The following TPR variants were observed in gnomAD, a reference collection of about 807,000 sequenced individuals.
TPR encodes nucleoprotein TPR.
A neutral mutation model predicts 316.1 loss-of-function variants in TPR; 51 were observed. The observed-to-expected ratio is 0.16, with a 90% CI of 0.13 to 0.20. The LOEUF (loss-of-function observed/expected upper bound fraction) is 0.20. TPR is among the 10% of genes least tolerant of loss of function. The pLI is 1.00. For missense variants in TPR, 2,272 were observed against 2,754.8 expected, an observed-to-expected ratio of 0.82 and a Z score of 3.92; for synonymous variants, 981 against 914.7, an observed-to-expected ratio of 1.07 and a Z score of -1.31.
rs368440248 is a variant in TPR, at chr1:186,359,803, A to G, written c.1385T>C (p.Met462Thr). 6.3e-7 allele frequency: 1 copy of G among 1,581,128 alleles called. No homozygotes were observed. The highest frequency in any genetic ancestry group is 1.4e-5 in the African/African-American group (1 of 72,304). ...AATTTTAGGAATGGAACCAACCTTC[A>G]TAGCTTGTTCAAGCTTAACAGATAA... ...ASLSVKLEQA[M>T]KEIQRLQEDT... Residue 462 changes from methionine to threonine, a missense_variant, in exon 12 of 51, where the codon ATG (methionine) becomes ACG (threonine). By Grantham distance (81) the Met-to-Thr change is moderately conservative. This residue lies in a region of TPR where 549 missense variants were observed against 598.6 expected (regional missense o/e 0.92). Coordinates refer to ENST00000367478, the MANE Select transcript of TPR (RefSeq NM_003292.3).
Position 186,311,860 on chromosome 1 carries a change from C to T in TPR, c.*2111G>A. 3.5e-6 allele frequency: 2 copies of T among 564,774 alleles called. No homozygotes were observed. The highest frequency in any genetic ancestry group is 4.2e-5 in the South Asian group (2 of 47,480). 35.0% of individuals were successfully genotyped at this position (564,774 alleles called of 1,614,324 possible). A position where few individuals can be genotyped will look rare whatever the true frequency, so the allele number is the denominator to read the frequency against. On this transcript the variant is annotated 3_prime_UTR_variant, in exon 51 of 51. Transcript: ENST00000367478. ...TTCGCTTCACAAATGTGCATGTCAT[C>T]CTTGCACAAGGGCCATGCTAATCTC...
chr1:186,353,024 T>A (rs530545370), intron 18 of TPR, among the ~76,000 whole-genome samples: 2 of 152,190 alleles, frequency 1.3e-5, no homozygotes, highest in African/African-American at 4.8e-5. Context: ...AAATATAAAT[T>A]CAATGCAATG....
At chr1:186,369,603 T>C (rs909306842) in intron 3 of TPR, among the ~76,000 whole-genome samples, 55 of 152,304 alleles carry the variant, frequency 3.6e-4, no homozygotes, top group African/African-American at 1.3e-3. Flanking sequence ...TATCCTTCAA[T>C]TGTATAAATT....
At chr1:186,371,754 C>G (rs1659532154) in intron 2 of TPR, among the ~76,000 whole-genome samples, 1 of 151,964 alleles carries the variant, frequency 6.6e-6, no homozygotes, top group Non-Finnish European at 1.5e-5. Flanking sequence ...TAAAGAGGAC[C>G]ATTAAAGCAA....
In TPR at chr1:186,347,410, C is replaced by T. The variant is rs1159008097; in HGVS notation, c.2825G>A (p.Arg942Lys). Reference protein sequence around the residue: ...EDVDDLVSQLRQTEEQVNDLK... With the variant: ...EDVDDLVSQLKQTEEQVNDLK... ...GTCATTCACCTGCTCTTCTGTCTGT[C>T]TTAGCTGACTCACAAGATCATCCAC... Residue 942 changes from arginine to lysine, a missense_variant, in exon 22 of 51, where the codon AGA (arginine) becomes AAA (lysine). Arg to Lys is a conservative substitution (Grantham distance 26, BLOSUM62 2). Coordinates refer to ENST00000367478, the MANE Select transcript of TPR (RefSeq NM_003292.3). 4 of 1,613,854 alleles carry T rather than the reference C, an allele frequency of 2.5e-6. No individual in the cohort carries two copies. The highest frequency in any genetic ancestry group is 2.5e-6 in the Non-Finnish European group (3 of 1,179,970).
At chr1:186,323,942 T>C in intron 42 of TPR, 72 bp from the exon 43 acceptor site, 1 of 1,424,930 alleles carries the variant, frequency 7.0e-7, no homozygotes, top group African/African-American at 1.5e-5. Flanking sequence ...TCCCTAGAAG[T>C]ATAAATCTTG....
In TPR at chr1:186,374,982, T is replaced by C. The variant is rs375798126; in HGVS notation, c.47A>G (p.Lys16Arg). 5 of 1,614,028 alleles carry C rather than the reference T, an allele frequency of 3.1e-6. No individual in the cohort carries two copies. Among genetic ancestry groups the C allele is most frequent in the Non-Finnish European group, 4.2e-6 (5 of 1,180,018 alleles). ...QQVLERTELN[K>R]LPKSVQNKLE... ...TTTGTTCTGGACAGACTTGGGCAGCTTGTTCAGCTCCGTGCGCTCCAGGAC... is the reference window on the plus strand; with the variant it reads ...TTTGTTCTGGACAGACTTGGGCAGCCTGTTCAGCTCCGTGCGCTCCAGGAC... The change falls in exon 1 of 51, where the codon AAG becomes AGG. Residue 16 changes from lysine to arginine, a missense_variant. Physicochemically the swap from Lys to Arg is conservative, Grantham distance 26 (BLOSUM62 2). Around this residue, in one of 10 missense-constraint regions of TPR, gnomAD observed 549 missense variants for 598.6 expected, o/e 0.92. Transcript: ENST00000367478.
chr1:186,365,213 A>T (rs1044310128), intron 4 of TPR, among the ~76,000 whole-genome samples: 16 of 150,722 alleles, frequency 1.1e-4, no homozygotes, highest in Admixed American at 9.3e-4. Flanking sequence ...CTCATGACTC[A>T]GCCTCCTGAG....
At chr1:186,314,342 A>G in intron 50 of TPR, 1 of 385,636 alleles carries the variant, frequency 2.6e-6, no homozygotes, top group Non-Finnish European at 4.6e-6. Context: ...AGATACAACA[A>G]ATGAATATAA....
rs1658653544 is a variant in TPR, at chr1:186,345,644, G to C, written c.3149C>G (p.Ala1050Gly). ...TAAAGCTGTGCTTGCTCTCTGAAGA[G>C]CTTCTTGTACTTCATTCTGAACACT... is the stretch of plus-strand genomic sequence containing the variant. ...LSSVQNEVQE[A>G]LQRASTALSN... The change falls in exon 24 of 51, where the codon GCT becomes GGT. Residue 1050 changes from alanine to glycine, a missense_variant. Coordinates refer to ENST00000367478, the MANE Select transcript of TPR (RefSeq NM_003292.3). The C allele has an allele frequency of 6.2e-7, 1 of 1,613,498 alleles. No individual in the cohort carries two copies. The highest frequency in any genetic ancestry group is 8.5e-7 in the Non-Finnish European group (1 of 1,179,758).
Position 186,355,585 on chromosome 1 carries a change from A to G in TPR, c.2023-27T>C, listed in dbSNP as rs377009103. The G allele has an allele frequency of 1.2e-5, 20 of 1,613,328 alleles. No homozygotes were observed. In the African/African-American group the frequency reaches 2.5e-4, roughly 20 times the overall value. On this transcript the variant is annotated intron_variant, in intron 16 of 50. Coordinates refer to ENST00000367478, the MANE Select transcript of TPR (RefSeq NM_003292.3). ...TAAATATTGGAGATTATGAGAAGGT[A>G]ACACTGTGTTCTCTAAAAACCTAAC...
intron 43 of TPR, among the ~76,000 whole-genome samples, chr1:186,323,330 G>A (rs112662033): frequency 2.0e-5 from 3 of 152,130 alleles, no homozygotes; most frequent in East Asian, 1.9e-4. Context: ...TTATAAATAC[G>A]TGCACTGTAG....
chr1:186,353,511 A>C (rs982184077), intron 18 of TPR, among the ~76,000 whole-genome samples, 177 bp downstream of exon 18: 2 of 152,244 alleles, frequency 1.3e-5, no homozygotes, highest in African/African-American at 4.8e-5. Flanking sequence ...ATCTTAATAG[A>C]AACAATCACC....
In TPR at chr1:186,333,346, G is replaced by A. The variant is rs372960872; in HGVS notation, c.5231C>T (p.Thr1744Ile). 9.3e-6 allele frequency: 15 copies of A among 1,613,468 alleles called. No homozygotes were observed. The African/African-American group carries it at 2.0e-4, about 22-fold the overall frequency. ...ACTAGTAGAACGAACGGATCCACTT[G>A]TGCTTCCAAAAACTGGAACATGTTC... ...PVEHVPVFGS[T>I]SGSVRSTSPN... The change falls in exon 37 of 51, where the codon ACA becomes ATA. Residue 1744 changes from threonine (T) to isoleucine (I), a missense_variant. This residue lies in a region of TPR where 435 missense variants were observed against 461.1 expected (regional missense o/e 0.94). Coordinates refer to ENST00000367478, the MANE Select transcript of TPR (RefSeq NM_003292.3).
rs879246650 is a variant in TPR, at chr1:186,337,914, TCA to T, written c.4362+117_4362+118del. 1.2e-5 allele frequency: 10 copies of T among 807,500 alleles called. 1 individual carries two copies. The South Asian group carries it at 2.1e-4, about 17-fold the overall frequency. The allele number at this position is 807,500 out of a possible 1,614,324, so 50.0% of individuals were successfully genotyped here. ...AAAGAACTAATCTTAAATAAAGATATCATATATGCTTACACGATTTCGGTATC... is the reference window on the plus strand; with the variant it reads ...AAAGAACTAATCTTAAATAAAGATATTATATGCTTACACGATTTCGGTATC... On this transcript the variant is annotated intron_variant, in intron 31 of 50. Coordinates refer to ENST00000367478, the MANE Select transcript of TPR (RefSeq NM_003292.3).
At position 186,353,700 on chromosome 1, in the gene TPR, T is replaced by C. The variant is rs201646019; in HGVS notation, c.2322A>G (p.Leu774=). The change falls in exon 18 of 51, where the codon CTA becomes CTG. Residue 774 remains leucine, a synonymous_variant. Transcript: ENST00000367478. ...TQDLRGANEK[L]AVAEVRAENL... ...ATATTGGACTCACTTCTGCGACAGC[T>C]AGCTTCTCATTTGCTCCTCTCAAAT... 4.3e-4 allele frequency: 687 copies of C among 1,613,744 alleles called. 8 individuals are homozygous for C. The South Asian group carries it at 7.3e-3, about 17-fold the overall frequency.
Position 186,339,568 on chromosome 1 carries a change from C to T in TPR, c.4151+74G>A, listed in dbSNP as rs1399330796. 9 of 1,276,504 alleles carry T rather than the reference C, an allele frequency of 7.1e-6. No individual in the cohort carries two copies. In the Admixed American group the frequency reaches 2.8e-4, roughly 39 times the overall value. The allele number at this position is 1,276,504 out of a possible 1,614,324, so 79.1% of individuals were successfully genotyped here. A position where few individuals can be genotyped will look rare whatever the true frequency, so the allele number is the denominator to read the frequency against. On this transcript the variant is annotated intron_variant, in intron 30 of 50. Transcript: ENST00000367478. ...TCTTTCTAAAACCAGGAGGCAGGCA[C>T]TTGGGGAGTCATGTAAATAAGTAAA...
intron 27 of TPR, chr1:186,342,998 C>T (rs1658554898): frequency 5.1e-6 from 1 of 196,120 alleles, no homozygotes; most frequent in East Asian, 1.2e-4. Flanking sequence ...AGACATGCTT[C>T]TAAATGCTTC....
At chr1:186,324,680 A>G (rs1418913805) in intron 42 of TPR, among the ~76,000 whole-genome samples, 3 of 152,218 alleles carry the variant, frequency 2.0e-5, no homozygotes, top group Non-Finnish European at 2.9e-5. Flanking sequence ...GTTTACTACA[A>G]GAATTAAACA....
Sources: allele counts gnomAD v4.1 joint callset (sites outside exome capture counted in the v4.1 genomes callset), GRCh38; gene constraint gnomAD v4.1.1; regional missense constraint gnomAD v4.1.1; transcripts MANE v1.5; gene names NCBI Gene and HGNC (gene_info 2026-07-23, HGNC 2026-07-21).